CPT2: variants seen among roughly 807,000 people sequenced by gnomAD.
CPT2 encodes the protein carnitine O-palmitoyltransferase 2, mitochondrial.
CPT2 carries 37 observed loss-of-function variants against 48.6 expected under a neutral mutation model. The ratio of observed to expected loss-of-function variants is 0.76; its 90% confidence interval spans 0.59 to 1.00. The LOEUF (loss-of-function observed/expected upper bound fraction) is 1.00, where lower values mean the gene tolerates loss of function less well. Among genes scored for constraint, CPT2 ranks in the 50% least tolerant of loss-of-function variants. CPT2 has a pLI of 0.00. For synonymous variants in CPT2, 319 were observed against 326.9 expected (o/e 0.98, Z 0.26); for missense variants, 772 against 825.6 (o/e 0.94, Z 0.80).
intron 3 of CPT2, chr1:53,209,500 TG>T (rs1645407637): frequency 1.1e-5 from 2 of 175,684 alleles, no homozygotes; most frequent in African/African-American, 4.8e-5. Context: ...AGAACTTAAA[TG>T]CTACAACATG....
intron 4 of CPT2, 165 bp from the exon 5 acceptor site, chr1:53,213,099 T>G: frequency 1.5e-6 from 1 of 673,806 alleles, no homozygotes; most frequent in Non-Finnish European, 2.7e-6. Context: ...TAATCTAGCT[T>G]GAGCTGCTCT....
At chr1:53,204,102 C>T (rs1240021961) in intron 3 of CPT2, 1 of 152,190 alleles carries the variant, frequency 6.6e-6, no homozygotes, top group African/African-American at 2.4e-5. Context: ...TGTTGGGCCA[C>T]TCTGTGAGTC....
chr1:53,202,259 C>T lies in CPT2; in HGVS notation c.234-64C>T, dbSNP rs1298031294. The T allele has an allele frequency of 4.5e-6, 6 of 1,347,070 alleles. No homozygotes were observed. The Admixed American group carries it at 6.8e-5, about 15-fold the overall frequency. The allele number at this position is 1,347,070 out of a possible 1,614,324, so 83.4% of individuals were successfully genotyped here. On this transcript the variant is annotated intron_variant, in intron 2 of 4. Transcript: ENST00000371486. ...CAAAACTCTATTATGAGTTCCTCGC[C>T]ATGAACCTAAAAATCATGTATTCCC...
intron 3 of CPT2, 144 bp from the exon 4 acceptor site, chr1:53,209,871 C>T: frequency 1.4e-6 from 1 of 692,736 alleles, no homozygotes; most frequent in Non-Finnish European, 2.5e-6. Flanking sequence ...TGAATTATTG[C>T]AGAGCAAAAA....
At chr1:53,202,581 G>T in intron 3 of CPT2, 152 bp downstream of exon 3, 1 of 706,368 alleles carries the variant, frequency 1.4e-6, no homozygotes, top group Non-Finnish European at 2.6e-6. Context: ...GTAAATTAAG[G>T]CTGAGTGTGT....
intron 1 of CPT2, among the ~76,000 whole-genome samples, chr1:53,198,219 A>C (rs1395867636): frequency 1.3e-5 from 2 of 152,018 alleles, no homozygotes; most frequent in African/African-American, 2.4e-5. Context: ...CTTATTTCTC[A>C]CCAAACTGCC....
rs1645423099 is a variant in CPT2, at chr1:53,211,036, A to G, written c.1362A>G (p.Glu454=). The change falls in exon 4 of 5, where the codon GAA becomes GAG. Residue 454 remains glutamate, a synonymous_variant. Transcript: ENST00000371486. ...DCVQFQRGGK[E]FLKKQKLSPD... The stretch of plus-strand genomic sequence containing the variant: ...TCCAGTTTCAGAGAGGAGGCAAAGA[A>G]TTCCTGAAGAAGCAAAAGCTGAGCC... The G allele has an allele frequency of 6.2e-7, 1 of 1,614,220 alleles. No individual in the cohort carries two copies. Among genetic ancestry groups the G allele is most frequent in the Non-Finnish European group, 8.5e-7 (1 of 1,180,044 alleles).
rs753861985 is a variant in CPT2, at chr1:53,213,441, A to G, written c.1823A>G (p.Asp608Gly). ...GGGGGCTTTGCCCCTGTGGTCTCTG[A>G]TGGCTTTGGTGTTGGGTATGCTGTT... ...NLGGFAPVVS[D>G]GFGVGYAVHD... The change falls in exon 5 of 5, where the codon GAT becomes GGT. Residue 608 changes from aspartate to glycine, a missense_variant. By Grantham distance (94) the Asp-to-Gly change is moderately conservative. Transcript: ENST00000371486. 6.2e-7 allele frequency: 1 copy of G among 1,614,192 alleles called. No homozygotes were observed. The highest frequency in any genetic ancestry group is 1.1e-5 in the South Asian group (1 of 91,074).
At chr1:53,209,801 T>G in intron 3 of CPT2, 1 of 592,458 alleles carries the variant, frequency 1.7e-6, no homozygotes, top group Non-Finnish European at 3.0e-6. Flanking sequence ...AAAACATTAT[T>G]GTAAGTGATA....
chr1:53,210,633 C>T lies in CPT2; in HGVS notation c.959C>T (p.Ser320Leu), dbSNP rs763703786. The change falls in exon 4 of 5, where the codon TCG becomes TTG. Residue 320 changes from serine to leucine, a missense_variant. Physicochemically the swap from Ser to Leu is moderately radical, Grantham distance 145. Transcript: ENST00000371486. ...GNEESLRKVD[S>L]AVFCLCLDDF... is the part of the protein sequence containing the mutation. Reference sequence around the variant, plus strand: ...GAGGAGAGCCTGAGGAAAGTGGACTCGGCAGTGTTCTGTCTCTGCCTAGAT... The same window carrying T: ...GAGGAGAGCCTGAGGAAAGTGGACTTGGCAGTGTTCTGTCTCTGCCTAGAT... The T allele has an allele frequency of 3.7e-6, 6 of 1,614,020 alleles. No homozygotes were observed. The highest frequency in any genetic ancestry group is 1.3e-5 in the African/African-American group (1 of 74,892).
At chr1:53,207,391 T>G (rs1292507291) in intron 3 of CPT2, 1 of 152,250 alleles carries the variant, frequency 6.6e-6, no homozygotes, top group African/African-American at 2.4e-5. Context: ...GTTGCTAGTG[T>G]TGTAGAAGGC....
chr1:53,199,356 T>C (rs1366921559), intron 1 of CPT2, among the ~76,000 whole-genome samples: 2 of 152,138 alleles, frequency 1.3e-5, no homozygotes, highest in East Asian at 3.9e-4. Context: ...GCCTGGCTGA[T>C]TTTTTGTATC....
Position 53,210,607 on chromosome 1 carries a change from T to C in CPT2, c.933T>C (p.Asn311=), listed in dbSNP as rs541736685. The C allele has an allele frequency of 3.1e-6, 5 of 1,613,974 alleles. No individual in the cohort carries two copies. The highest frequency in any genetic ancestry group is 2.2e-5 in the East Asian group (1 of 44,876). ...GGCAGAAGCTGATGAGTAGTGGCAA[T>C]GAGGAGAGCCTGAGGAAAGTGGACT... ...ELRQKLMSSG[N]EESLRKVDSA... Residue 311 remains asparagine (N), a synonymous_variant, in exon 4 of 5, where the codon AAT becomes AAC. Coordinates refer to ENST00000371486, the MANE Select transcript of CPT2 (RefSeq NM_000098.3).
rs1645323999 is a variant in CPT2 at position 53,196,878 on chromosome 1, G to A, written c.-66G>A. On this transcript the variant is annotated 5_prime_UTR_variant, in exon 1 of 5. Coordinates refer to ENST00000371486, the MANE Select transcript of CPT2 (RefSeq NM_000098.3). ...TGTCTTGGGCGCTAACGGCGGCGGC[G>A]GCCTTGTGTTTAGACTCCAGAACTC... 4 of 1,519,400 alleles carry A rather than the reference G, an allele frequency of 2.6e-6. 1 individual carries two copies. The highest frequency in any genetic ancestry group is 2.4e-5 in the South Asian group (2 of 83,220). 94.1% of individuals were successfully genotyped at this position (1,519,400 alleles called of 1,614,324 possible).
In CPT2 at chr1:53,197,106, C is replaced by T. The variant is rs1323423607; in HGVS notation, c.152+11C>T. On this transcript the variant is annotated intron_variant, in intron 1 of 4. Transcript: ENST00000371486. ...GGACAGCCTGCCCAGGTGAGCCTGGCCTCCGGGTCCCCGCCGCCCGCCGCC... is the reference window on the plus strand; with the variant it reads ...GGACAGCCTGCCCAGGTGAGCCTGGTCTCCGGGTCCCCGCCGCCCGCCGCC... The T allele has an allele frequency of 6.5e-7, 1 of 1,537,380 alleles. No individual in the cohort carries two copies. The highest frequency in any genetic ancestry group is 8.7e-7 in the Non-Finnish European group (1 of 1,146,384).
Position 53,210,046 on chromosome 1 carries a change from A to G in CPT2, c.372A>G (p.Arg124=), listed in dbSNP as rs200301403. The change falls in exon 4 of 5, where the codon CGA becomes CGG. Residue 124 remains arginine (R), a synonymous_variant. Coordinates refer to ENST00000371486, the MANE Select transcript of CPT2 (RefSeq NM_000098.3). ...GPWFDMYLSA[R]DSVVLNFNPF... Reference sequence around the variant, plus strand: ...GGTTTGATATGTACCTATCTGCTCGAGACTCCGTTGTTCTGAACTTTAATC... The same window carrying G: ...GGTTTGATATGTACCTATCTGCTCGGGACTCCGTTGTTCTGAACTTTAATC... 1.9e-6 allele frequency: 3 copies of G among 1,613,836 alleles called. No individual in the cohort carries two copies. In the Admixed American group the frequency reaches 5.0e-5, roughly 27 times the overall value.
In CPT2 at chr1:53,205,022, G is replaced by T. The variant is rs116566752; in HGVS notation, c.340+2593G>T. 4.2e-3 allele frequency among the ~76,000 whole-genome samples: 639 copies of T among 152,286 alleles called. 7 individuals carry two copies. The highest frequency in any genetic ancestry group is 0.015 in the African/African-American group (610 of 41,550). ...AATATAGAAAACTGGTACCAGGAGG[G>T]GGGCATTGCTACAAAGATACCTGAA... On this transcript the variant is annotated intron_variant, in intron 3 of 4. Transcript: ENST00000371486.
At position 53,196,917 on chromosome 1, in the gene CPT2, T is replaced by C. The variant is rs1471938602; in HGVS notation, c.-27T>C. 1 of 1,538,938 alleles carries C rather than the reference T, an allele frequency of 6.5e-7. No individual in the cohort carries two copies. Among genetic ancestry groups the C allele is most frequent in the South Asian group, 1.2e-5 (1 of 84,120 alleles). On this transcript the variant is annotated 5_prime_UTR_variant, in exon 1 of 5. Coordinates refer to ENST00000371486, the MANE Select transcript of CPT2 (RefSeq NM_000098.3). ...ACTCCAGAACTCCCCACTTGCCGCG[T>C]TCTCGCCGCCGCAGGCTCCCGGGAC... is the stretch of plus-strand genomic sequence containing the variant.
Position 53,210,913 on chromosome 1 carries a change from G to C in CPT2, c.1239G>C (p.Gln413His), listed in dbSNP as rs1338552157. The C allele has an allele frequency of 6.2e-7, 1 of 1,613,828 alleles. No homozygotes were observed. The highest frequency in any genetic ancestry group is 8.5e-7 in the Non-Finnish European group (1 of 1,179,998). ...CCACTGACTCTACTGTCACGGTGCA[G>C]AAACTCAACTTCGAGCTGACTGATG... ...PATTDSTVTV[Q>H]KLNFELTDAL... Residue 413 changes from glutamine (Q) to histidine (H), a missense_variant, in exon 4 of 5, where the codon CAG (glutamine) becomes CAC (histidine). Coordinates refer to ENST00000371486, the MANE Select transcript of CPT2 (RefSeq NM_000098.3).
Sources: gnomAD v4.1 joint callset for allele counts (sites outside exome capture counted in the v4.1 genomes callset) on GRCh38, gnomAD v4.1.1 for gene constraint, MANE v1.5 for transcripts, NCBI Gene and HGNC (gene_info 2026-07-23, HGNC 2026-07-21) for gene names.